The following OPCML variants were observed in gnomAD, a reference collection of about 807,000 sequenced individuals.
OPCML encodes the protein opioid-binding protein/cell adhesion molecule.
Under a neutral mutation model 37.8 loss-of-function variants are expected in OPCML, and 13 were observed. The ratio of observed to expected loss-of-function variants is 0.34; its 90% CI spans 0.22 to 0.55. The LOEUF is 0.55. Ranked by LOEUF, OPCML falls within the 20% of genes least tolerant of loss-of-function variation. The pLI is 0.91. For missense variants in OPCML, 341 were observed against 435.6 expected (o/e 0.78, Z 1.93); for synonymous variants, 176 against 168.8 (o/e 1.04, Z -0.33).
intron 1 of OPCML, among the ~76,000 whole-genome samples, chr11:132,966,110 A>G (rs1946208445): frequency 6.7e-6 from 1 of 148,956 alleles, no homozygotes; most frequent in South Asian, 2.1e-4. Flanking sequence ...CCATTTTTTG[A>G]GGTGGAAAGT....
chr11:132,913,654 C>T (rs1308527225), intron 2 of OPCML, among the ~76,000 whole-genome samples: 1 of 152,166 alleles, frequency 6.6e-6, no homozygotes, highest in East Asian at 1.9e-4. Flanking sequence ...CAGCTCAACC[C>T]GCACTGCCTT....
chr11:132,561,362 C>A (rs2096410306), intron 3 of OPCML, among the ~76,000 whole-genome samples: 1 of 151,194 alleles, frequency 6.6e-6, no homozygotes, highest in African/African-American at 2.4e-5. Flanking sequence ...GGGTCCTCAT[C>A]TCCTCCATAG....
chr11:133,446,186 T>C (rs112893433), intron 1 of OPCML, among the ~76,000 whole-genome samples: 5 of 152,172 alleles, frequency 3.3e-5, no homozygotes, highest in African/African-American at 1.2e-4. Flanking sequence ...GATTTAAGCA[T>C]CTCTCTGACA....
rs1299373589 is a variant in OPCML, at chr11:133,373,454, C to A, written c.61+158810G>T. Among the ~76,000 whole-genome samples, 117 of 90,774 alleles carry A rather than the reference C, an allele frequency of 1.3e-3. 2 individuals carry two copies. Among genetic ancestry groups the A allele is most frequent in the African/African-American group, 4.2e-3 (113 of 26,958 alleles). The allele number at this position is 90,774 out of a possible 152,430, so 59.6% of individuals were successfully genotyped here. On this transcript the variant is annotated intron_variant, in intron 1 of 7. Coordinates refer to ENST00000524381, the MANE Select transcript of OPCML (RefSeq NM_001012393.5). Reference sequence around the variant, plus strand: ...ATATATATATATATATATATACACACACACACACAAAAATACAAAATTTAG... The same window carrying A: ...ATATATATATATATATATATACACAAACACACACAAAAATACAAAATTTAG...
chr11:132,955,422 G>T (rs1050476253), intron 1 of OPCML, among the ~76,000 whole-genome samples: 2 of 152,096 alleles, frequency 1.3e-5, no homozygotes, highest in African/African-American at 4.8e-5. Context: ...AGTTGTCATT[G>T]TCATCATCAT....
At chr11:132,557,790 C>A (rs906132138) in intron 3 of OPCML, among the ~76,000 whole-genome samples, 1 of 139,474 alleles carries the variant, frequency 7.2e-6, no homozygotes, top group Non-Finnish European at 1.5e-5. Flanking sequence ...TAAGTACACA[C>A]AGGGTGATGG....
At chr11:132,803,190 C>T (rs1424275181) in intron 2 of OPCML, among the ~76,000 whole-genome samples, 1 of 152,148 alleles carries the variant, frequency 6.6e-6, no homozygotes, top group African/African-American at 2.4e-5. Flanking sequence ...TCTGTTCTCC[C>T]CTCCTCCTCC....
intron 2 of OPCML, among the ~76,000 whole-genome samples, chr11:132,907,149 C>T (rs1019608413): frequency 7.9e-5 from 12 of 152,146 alleles, no homozygotes; most frequent in African/African-American, 1.7e-4. Context: ...TTTCTATCTA[C>T]GTCACTGACT....
At chr11:132,484,294 G>A (rs1311770628) in intron 4 of OPCML, among the ~76,000 whole-genome samples, 4 of 152,184 alleles carry the variant, frequency 2.6e-5, no homozygotes, top group Admixed American at 6.5e-5. Context: ...AGACATTTAT[G>A]CAGCCAAAAA....
chr11:132,998,889 A>G (rs1946938819), intron 1 of OPCML, among the ~76,000 whole-genome samples: 2 of 152,202 alleles, frequency 1.3e-5, no homozygotes, highest in Non-Finnish European at 2.9e-5. Flanking sequence ...GAAATATGAG[A>G]AATAAATTTC....
At chr11:133,032,022 A>C (rs1371881538) in intron 1 of OPCML, among the ~76,000 whole-genome samples, 5 of 152,198 alleles carry the variant, frequency 3.3e-5, no homozygotes, top group Non-Finnish European at 7.3e-5. Flanking sequence ...GCTAAATGAG[A>C]TTACACTCTC....
At chr11:132,568,141 C>A (rs2137545953) in intron 3 of OPCML, among the ~76,000 whole-genome samples, 1 of 151,746 alleles carries the variant, frequency 6.6e-6, no homozygotes, top group East Asian at 1.9e-4. Flanking sequence ...GTGCAAATAC[C>A]AAGACATATA....
intron 1 of OPCML, among the ~76,000 whole-genome samples, chr11:133,115,388 TGA>T (rs1949316360): frequency 6.6e-6 from 1 of 152,190 alleles, no homozygotes. Flanking sequence ...GTGAGGCAGA[TGA>T]GAGTTTCCGA....
At chr11:132,949,502 G>A (rs1055021554) in intron 1 of OPCML, among the ~76,000 whole-genome samples, 2 of 152,164 alleles carry the variant, frequency 1.3e-5, no homozygotes, top group Admixed American at 6.5e-5. Context: ...TTTGGGTATG[G>A]ATGGATACTT....
At chr11:133,040,359 C>T (rs1333142592) in intron 1 of OPCML, among the ~76,000 whole-genome samples, 1 of 152,190 alleles carries the variant, frequency 6.6e-6, no homozygotes, top group Non-Finnish European at 1.5e-5. Flanking sequence ...TAAAACTCTG[C>T]TCTCTTCCTC....
chr11:132,452,318 G>A (rs1408128932), intron 4 of OPCML, among the ~76,000 whole-genome samples: 2 of 152,106 alleles, frequency 1.3e-5, no homozygotes, highest in Non-Finnish European at 2.9e-5. Context: ...AGCTGGGGGA[G>A]GATGAAAGGT....
intron 2 of OPCML, among the ~76,000 whole-genome samples, chr11:132,786,179 T>C (rs1234919138): frequency 6.6e-6 from 1 of 152,216 alleles, no homozygotes; most frequent in Non-Finnish European, 1.5e-5. Flanking sequence ...GCTTTCACTA[T>C]GTGGTTATCA....
chr11:132,502,323 A>G (rs2096247286), intron 4 of OPCML, among the ~76,000 whole-genome samples: 1 of 151,532 alleles, frequency 6.6e-6, no homozygotes, highest in Non-Finnish European at 1.5e-5. Context: ...GGTACTTTTT[A>G]TTTATTTATC....
At chr11:132,424,475 C>A (rs1217077118) in intron 7 of OPCML, among the ~76,000 whole-genome samples, 1 of 152,000 alleles carries the variant, frequency 6.6e-6, no homozygotes, top group South Asian at 2.1e-4. Context: ...TAAAATGCAC[C>A]CGGATAAAAG....
Sources: allele counts gnomAD v4.1 joint callset (sites outside exome capture counted in the v4.1 genomes callset), GRCh38; gene constraint gnomAD v4.1.1; transcripts MANE v1.5; gene names NCBI Gene and HGNC (gene_info 2026-07-23, HGNC 2026-07-21).